Variants in ZNF536 observed in about 807,000 individuals in gnomAD.
ZNF536 encodes the protein zinc finger protein 536.
A neutral mutation model predicts 84.5 loss-of-function variants in ZNF536; 13 were observed. The observed-to-expected ratio is 0.15, with a 90% CI of 0.10 to 0.24. The LOEUF (loss-of-function observed/expected upper bound fraction) is 0.24. ZNF536 is among the 10% of genes least tolerant of loss of function. The pLI, the probability that ZNF536 is intolerant of heterozygous loss-of-function variation, is 1.00. For missense variants in ZNF536, 1,536 were observed against 1,747.5 expected (o/e 0.88, Z 2.16); for synonymous variants, 811 against 742.5 (o/e 1.09, Z -1.50).
At chr19:30,538,089 A>G (rs1016751131) in intron 3 of ZNF536, among the ~76,000 whole-genome samples, 3 of 152,194 alleles carry the variant, frequency 2.0e-5, no homozygotes, top group African/African-American at 7.2e-5. Context: ...CAATCAACGT[A>G]TTTGTTAATA....
At chr19:30,376,845 C>T (rs553504665) in intron 1 of ZNF536, among the ~76,000 whole-genome samples, 3 of 152,330 alleles carry the variant, frequency 2.0e-5, no homozygotes, top group East Asian at 1.9e-4. Context: ...CCCCCTGCCC[C>T]GACCCCACCC....
intron 3 of ZNF536, 104 bp downstream of exon 3, chr19:30,535,103 T>C: frequency 4.4e-6 from 6 of 1,361,894 alleles, no homozygotes; most frequent in Non-Finnish European, 6.0e-6. Flanking sequence ...TCACTAACTC[T>C]GGAAGGTTCT....
chr19:30,316,790 A>G (rs1254863244), intron 2 of ZNF536, among the ~76,000 whole-genome samples: 1 of 152,214 alleles, frequency 6.6e-6, no homozygotes, highest in East Asian at 1.9e-4. Context: ...GAGGGCTGGT[A>G]CATAAAGCCT....
intron 1 of ZNF536, among the ~76,000 whole-genome samples, chr19:30,389,381 C>T (rs2049484860): frequency 1.3e-5 from 2 of 152,126 alleles, no homozygotes; most frequent in African/African-American, 2.4e-5. Flanking sequence ...TAGATGGGAC[C>T]TTGCCTCTCC....
intron 2 of ZNF536, among the ~76,000 whole-genome samples, chr19:30,531,797 G>A (rs540675715): frequency 6.6e-6 from 1 of 152,066 alleles, no homozygotes; most frequent in Non-Finnish European, 1.5e-5. Context: ...GCTAATTTTT[G>A]TATTTTTAGT....
intron 1 of ZNF536, among the ~76,000 whole-genome samples, chr19:30,635,362 T>G (rs1260594419): frequency 6.6e-6 from 1 of 152,244 alleles, no homozygotes; most frequent in Non-Finnish European, 1.5e-5. Context: ...ATTTGGATTT[T>G]GTGGTTGTTG....
At chr19:30,483,701 C>T (rs1182388247) in intron 2 of ZNF536, among the ~76,000 whole-genome samples, 1 of 152,154 alleles carries the variant, frequency 6.6e-6, no homozygotes, top group Non-Finnish European at 1.5e-5. Flanking sequence ...TTGCTCCAAA[C>T]CCTTTCCCCC....
Position 30,427,322 on chromosome 19 carries a change from G to C in ZNF536, c.-2-16239G>C, listed in dbSNP as rs537123142. Among the ~76,000 whole-genome samples, 3 of 152,348 alleles carry C rather than the reference G, an allele frequency of 2.0e-5. No homozygotes were observed. In the East Asian group the frequency reaches 5.8e-4, roughly 29 times the overall value. ...TTGCCAAGTAGTTGAGGAGAATGTG[G>C]GGAAGAGTGATAGGAAGAGAGATAA... On this transcript the variant is annotated intron_variant, in intron 1 of 4. Coordinates refer to ENST00000355537, the MANE Select transcript of ZNF536 (RefSeq NM_014717.3).
At chr19:30,502,128 G>A (rs762221903) in intron 2 of ZNF536, among the ~76,000 whole-genome samples, 1 of 152,214 alleles carries the variant, frequency 6.6e-6, no homozygotes, top group Non-Finnish European at 1.5e-5. Flanking sequence ...GACCCATCTG[G>A]TCAAATGCCA....
At chr19:30,254,474 T>TATA (rs1208014408) in intron 1 of ZNF536, among the ~76,000 whole-genome samples, 1 of 152,068 alleles carries the variant, frequency 6.6e-6, no homozygotes, top group East Asian at 1.9e-4. Flanking sequence ...CCCGCCTTAT[T>TATA]GTTCAAGTGC....
At chr19:30,682,691 C>A (rs1172308686) in intron 1 of ZNF536, among the ~76,000 whole-genome samples, 1 of 152,172 alleles carries the variant, frequency 6.6e-6, no homozygotes, top group Non-Finnish European at 1.5e-5. Flanking sequence ...CCCTCTCTGC[C>A]TCCCCTCAGC....
chr19:30,279,728 G>A (rs1243203576), intron 1 of ZNF536, among the ~76,000 whole-genome samples: 9 of 152,176 alleles, frequency 5.9e-5, no homozygotes, highest in African/African-American at 1.9e-4. Flanking sequence ...AGGGGGTTCC[G>A]AGGCATTGCT....
intron 1 of ZNF536, among the ~76,000 whole-genome samples, chr19:30,568,130 T>C (rs116126867): frequency 9.2e-4 from 140 of 152,326 alleles, no homozygotes; most frequent in African/African-American, 3.3e-3. Flanking sequence ...TTTAGAAACG[T>C]CAAGCTGGAG....
At chr19:30,258,083 T>C (rs2025004387) in intron 1 of ZNF536, among the ~76,000 whole-genome samples, 1 of 152,190 alleles carries the variant, frequency 6.6e-6, no homozygotes, top group African/African-American at 2.4e-5. Context: ...CAGTTTGTTC[T>C]CCACTGGCTG....
intron 1 of ZNF536, among the ~76,000 whole-genome samples, chr19:30,392,930 G>A (rs1322425063): frequency 2.0e-5 from 3 of 152,184 alleles, no homozygotes; most frequent in African/African-American, 7.2e-5. Context: ...AGGACTGTGT[G>A]AATGCTGAAT....
At chr19:30,597,134 G>T (rs1002319590) in intron 1 of ZNF536, among the ~76,000 whole-genome samples, 1 of 152,244 alleles carries the variant, frequency 6.6e-6, no homozygotes, top group African/African-American at 2.4e-5. Context: ...CCCTGGGAAA[G>T]ATCCCTGCAC....
Position 30,444,145 on chromosome 19 carries a change from G to C in ZNF536, c.583G>C (p.Glu195Gln), listed in dbSNP as rs543213590. 1 of 1,601,610 alleles carries C rather than the reference G, an allele frequency of 6.2e-7. No individual in the cohort carries two copies. The highest frequency in any genetic ancestry group is 1.3e-5 in the African/African-American group (1 of 74,794). Reference sequence around the variant, plus strand: ...CAAGGGGCGTGGGCGTGTGCGCGAGGAGAACCGCCTGCTGCACGAGCTGGA... The same window carrying C: ...CAAGGGGCGTGGGCGTGTGCGCGAGCAGAACCGCCTGCTGCACGAGCTGGA... ...LGKGRGRVRE[E>Q]NRLLHELEER... The change falls in exon 2 of 5, where the codon GAG (glutamate) becomes CAG (glutamine). Residue 195 changes from glutamate (E) to glutamine (Q), a missense_variant. This residue lies in a region of ZNF536 where 138 missense variants were observed against 136.8 expected (regional missense o/e 1.01). Transcript: ENST00000355537.
chr19:30,365,899 A>G, intron 3 of ZNF536, among the ~76,000 whole-genome samples: 1 of 152,224 alleles, frequency 6.6e-6, no homozygotes, highest in East Asian at 1.9e-4. Context: ...TTCATATGAA[A>G]CATCAGAATA....
upstream of ZNF536, among the ~76,000 whole-genome samples, chr19:30,371,399 T>G (rs2048606657): frequency 6.6e-6 from 1 of 152,190 alleles, no homozygotes; most frequent in Admixed American, 6.5e-5. Flanking sequence ...ACTGAAAACA[T>G]GTAATCTGTA....
Sources: allele counts gnomAD v4.1 joint callset (sites outside exome capture counted in the v4.1 genomes callset), GRCh38; gene constraint gnomAD v4.1.1; regional missense constraint gnomAD v4.1.1; transcripts MANE v1.5; gene names NCBI Gene and HGNC (gene_info 2026-07-23, HGNC 2026-07-21).